Variants in EYS observed in about 807,000 individuals in gnomAD.
The protein encoded by EYS is protein eyes shut homolog.
EYS carries 250 observed loss-of-function variants against 282.1 expected under a neutral mutation model. The observed-to-expected ratio is 0.89, with a 90% CI of 0.80 to 0.98. The LOEUF is 0.98. EYS is among the 50% of genes least tolerant of loss of function. The pLI, the probability that EYS is intolerant of heterozygous loss-of-function variation, is 0.00. For synonymous variants in EYS, 1,355 were observed against 1,282.9 expected (o/e 1.06, Z -1.20); for missense variants, 4,016 against 3,709.0 (o/e 1.08, Z -2.15).
intron 26 of EYS, among the ~76,000 whole-genome samples, chr6:64,455,067 A>T (rs1022216529): frequency 7.2e-5 from 11 of 152,004 alleles, no homozygotes; most frequent in African/African-American, 2.7e-4. Context: ...GAACTCTTCT[A>T]CTTCTATTTA....
chr6:63,805,905 A>G (rs1275687797), intron 37 of EYS, among the ~76,000 whole-genome samples: 1 of 152,196 alleles, frequency 6.6e-6, no homozygotes. Flanking sequence ...CAGTGAGTCA[A>G]TTAAACTTCT....
At chr6:64,742,258 C>G (rs1157747205) in intron 22 of EYS, among the ~76,000 whole-genome samples, 1 of 152,108 alleles carries the variant, frequency 6.6e-6, no homozygotes, top group Non-Finnish European at 1.5e-5. Flanking sequence ...AGTCAGAACA[C>G]ACATTTACTG....
intron 9 of EYS, among the ~76,000 whole-genome samples, chr6:65,347,252 T>G (rs1207131759): frequency 6.6e-6 from 1 of 151,750 alleles, no homozygotes; most frequent in Non-Finnish European, 1.5e-5. Flanking sequence ...GCATTATGAA[T>G]AGAGCTTAGC....
At chr6:64,589,532 T>A (rs1356648631) in intron 26 of EYS, among the ~76,000 whole-genome samples, 2 of 152,052 alleles carry the variant, frequency 1.3e-5, no homozygotes, top group Non-Finnish European at 2.9e-5. Context: ...TCCTTACCAA[T>A]TTGATAGCAA....
At chr6:64,419,154 C>G (rs986273859) in intron 28 of EYS, among the ~76,000 whole-genome samples, 3 of 152,118 alleles carry the variant, frequency 2.0e-5, no homozygotes, top group Non-Finnish European at 4.4e-5. Context: ...TATATTAGTC[C>G]ATTCTCGTGC....
intron 13 of EYS, among the ~76,000 whole-genome samples, chr6:65,013,631 T>G (rs1771950659): frequency 6.6e-6 from 1 of 152,176 alleles, no homozygotes; most frequent in South Asian, 2.1e-4. Context: ...TTCCCAGGAC[T>G]TTGGGAGGCC....
intron 2 of EYS, among the ~76,000 whole-genome samples, chr6:65,509,230 T>C (rs1251338102): frequency 6.6e-6 from 1 of 152,190 alleles, no homozygotes; most frequent in East Asian, 1.9e-4. Flanking sequence ...TAACAGATTC[T>C]CCTTAGAGAA....
At chr6:64,287,426 C>T (rs950353371) in intron 30 of EYS, among the ~76,000 whole-genome samples, 8 of 152,066 alleles carry the variant, frequency 5.3e-5, no homozygotes, top group African/African-American at 1.9e-4. Flanking sequence ...ACAAAATATA[C>T]ATATGGTATA....
chr6:64,657,447 C>A (rs1480212786), intron 22 of EYS, among the ~76,000 whole-genome samples: 1 of 152,148 alleles, frequency 6.6e-6, no homozygotes, highest in Non-Finnish European at 1.5e-5. Flanking sequence ...TTCTTCCTAG[C>A]ATTGATGGTC....
chr6:64,117,497 CAACT>C (rs1382869529), intron 31 of EYS, among the ~76,000 whole-genome samples: 1 of 151,376 alleles, frequency 6.6e-6, no homozygotes, highest in Non-Finnish European at 1.5e-5. Flanking sequence ...AGAGAATATT[CAACT>C]AACTAAAATC....
At chr6:64,993,080 G>A (rs1562291448) in intron 14 of EYS, among the ~76,000 whole-genome samples, 2 of 151,982 alleles carry the variant, frequency 1.3e-5, no homozygotes, top group Non-Finnish European at 2.9e-5. Context: ...ATTTTATTAG[G>A]AGCCAAGATG....
intron 22 of EYS, among the ~76,000 whole-genome samples, chr6:64,809,394 T>C (rs191273708): frequency 5.3e-5 from 8 of 151,862 alleles, no homozygotes; most frequent in Admixed American, 5.3e-4. Flanking sequence ...CTAAGGCACA[T>C]TGAAAAGTAA....
At chr6:64,605,857 T>A (rs1766914773) in intron 24 of EYS, among the ~76,000 whole-genome samples, 1 of 151,954 alleles carries the variant, frequency 6.6e-6, no homozygotes, top group East Asian at 1.9e-4. Context: ...CAAGTAGAAA[T>A]TTAAAACTTT....
At chr6:64,635,809 C>T (rs1176318408) in intron 22 of EYS, among the ~76,000 whole-genome samples, 1 of 152,256 alleles carries the variant, frequency 6.6e-6, no homozygotes, top group South Asian at 2.1e-4. Flanking sequence ...CTCTGCCAGG[C>T]TTTGGTATCA....
chr6:65,371,708 C>CCTCTCTCTCTCTCT (rs140879689), intron 8 of EYS, among the ~76,000 whole-genome samples: 1 of 119,118 alleles, frequency 8.4e-6, no homozygotes, highest in African/African-American at 3.5e-5. Context: ...TCTCTCTCTC[C>CCTCTCTCTCTCTCT]CTCTCTCTCT....
chr6:63,856,019 T>G (rs1262615207), intron 36 of EYS, among the ~76,000 whole-genome samples: 1 of 151,318 alleles, frequency 6.6e-6, no homozygotes, highest in South Asian at 2.1e-4. Context: ...AGTGAAGTTT[T>G]TTTTTTTTTT....
At chr6:64,480,121 C>T (rs1376825011) in intron 26 of EYS, among the ~76,000 whole-genome samples, 1 of 151,896 alleles carries the variant, frequency 6.6e-6, no homozygotes, top group African/African-American at 2.4e-5. Context: ...TTCATTCACT[C>T]TCTCCAGTTG....
intron 31 of EYS, among the ~76,000 whole-genome samples, chr6:64,107,953 G>A (rs564175056): frequency 7.6e-4 from 115 of 152,162 alleles, no homozygotes; most frequent in African/African-American, 2.6e-3. Context: ...CAGGAGCTGT[G>A]TATTTCCCTT....
intron 1 of EYS, among the ~76,000 whole-genome samples, chr6:65,693,559 A>T (rs918337147): frequency 6.7e-6 from 1 of 149,474 alleles, no homozygotes; most frequent in Non-Finnish European, 1.5e-5. Flanking sequence ...TACAAAAAAA[A>T]CCTATTTTAC....
Sources: gnomAD v4.1 joint callset for allele counts (sites outside exome capture counted in the v4.1 genomes callset) on GRCh38, gnomAD v4.1.1 for gene constraint, MANE v1.5 for transcripts, NCBI Gene and HGNC (gene_info 2026-07-23, HGNC 2026-07-21) for gene names.